The following HELZ variants were observed in gnomAD, a reference collection of about 807,000 sequenced individuals.
HELZ encodes the protein ATP-dependent RNA helicase with zinc finger domain.
Under a neutral mutation model 218.2 loss-of-function variants are expected in HELZ, and 23 were observed. That is an observed-to-expected ratio of 0.11 (90% CI 0.08 to 0.15). HELZ has a LOEUF of 0.15. HELZ is among the 10% of genes least tolerant of loss of function. The pLI is 1.00. For synonymous variants in HELZ, 814 were observed against 829.4 expected, an observed-to-expected ratio of 0.98 and a Z score of 0.32; for missense variants, 1,813 against 2,353.7, an observed-to-expected ratio of 0.77 and a Z score of 4.75.
intron 5 of HELZ, among the ~76,000 whole-genome samples, chr17:67,214,896 A>G (rs753371038): frequency 2.0e-5 from 3 of 152,160 alleles, no homozygotes; most frequent in Admixed American, 1.3e-4. Flanking sequence ...CTGTAATCCC[A>G]GCACTTTGGG....
chr17:67,176,832 A>T (rs1392348971), intron 13 of HELZ, among the ~76,000 whole-genome samples: 1 of 152,098 alleles, frequency 6.6e-6, no homozygotes, highest in African/African-American at 2.4e-5. Context: ...ACAGAGTGAG[A>T]CCCTGTCTCA....
intron 32 of HELZ, among the ~76,000 whole-genome samples, chr17:67,079,438 CATT>C (rs2036118903): frequency 6.6e-6 from 1 of 152,106 alleles, no homozygotes; most frequent in Non-Finnish European, 1.5e-5. Flanking sequence ...TAGAAATTTT[CATT>C]ATCACCAATT....
chr17:67,141,880 C>A (rs2038337804), intron 21 of HELZ, among the ~76,000 whole-genome samples: 1 of 151,950 alleles, frequency 6.6e-6, no homozygotes, highest in African/African-American at 2.4e-5. Context: ...CCTGCCTCTA[C>A]TAAAAATATA....
chr17:67,082,851 T>C (rs1184078109), intron 32 of HELZ, among the ~76,000 whole-genome samples: 2 of 149,798 alleles, frequency 1.3e-5, no homozygotes, highest in Non-Finnish European at 3.0e-5. Flanking sequence ...TTAACTGTTT[T>C]TTTTTTTTGT....
chr17:67,196,551 CAGAT>C (rs201569601), intron 7 of HELZ, among the ~76,000 whole-genome samples: 470 of 149,032 alleles, frequency 3.2e-3, no homozygotes, highest in African/African-American at 0.011. Context: ...GGTGGATAAA[CAGAT>C]AGATGGTTGG....
chr17:67,122,178 G>A (rs1483350488), intron 26 of HELZ, among the ~76,000 whole-genome samples: 4 of 152,126 alleles, frequency 2.6e-5, no homozygotes, highest in Non-Finnish European at 4.4e-5. Context: ...CAAGTCGGGT[G>A]GATCACCTGA....
chr17:67,167,645 T>C lies in HELZ; in HGVS notation c.1582A>G (p.Met528Val), dbSNP rs765954408. The C allele has an allele frequency of 6.2e-7, 1 of 1,614,198 alleles. No homozygotes were observed. The highest frequency in any genetic ancestry group is 8.5e-7 in the Non-Finnish European group (1 of 1,180,034). The change falls in exon 14 of 33, where the codon ATG (methionine) becomes GTG (valine). Residue 528 changes from methionine (M) to valine (V), a missense_variant. By Grantham distance (21) the Met-to-Val change is conservative. Transcript: ENST00000358691. Reference sequence around the variant, plus strand: ...AAATAAACAGCATTGACTTTGGTCATCACCAGTCGTCCAGCCAAAGTATCT... The same window carrying C: ...AAATAAACAGCATTGACTTTGGTCACCACCAGTCGTCCAGCCAAAGTATCT... ...SEDTLAGRLV[M>V]TKVNAVYLLP...
chr17:67,075,337 C>A lies in HELZ; in HGVS notation c.*2915G>T, dbSNP rs1160002544. ...AAAAAGACATTATGTGAACAATTAA[C>A]CTCACTTAGAAAAAAATCTGCTCTG... On this transcript the variant is annotated 3_prime_UTR_variant, in exon 33 of 33. Coordinates refer to ENST00000358691, the MANE Select transcript of HELZ (RefSeq NM_014877.4). 1 of 152,022 alleles carries A rather than the reference C, an allele frequency of 6.6e-6. No homozygotes were observed. Among genetic ancestry groups the A allele is most frequent in the Non-Finnish European group, 1.5e-5 (1 of 67,978 alleles). 9.4% of individuals were successfully genotyped at this position (152,022 alleles called of 1,614,324 possible).
At chr17:67,166,365 C>G in intron 15 of HELZ, 113 bp downstream of exon 15, 1 of 810,080 alleles carries the variant, frequency 1.2e-6, no homozygotes, top group Non-Finnish European at 2.0e-6. Context: ...AAACCAATAT[C>G]TCCTGAAAAG....
chr17:67,189,646 T>A lies in HELZ; in HGVS notation c.807A>T (p.Ser269=), dbSNP rs1195051244. The A allele has an allele frequency of 6.2e-7, 1 of 1,613,820 alleles. No individual in the cohort carries two copies. The highest frequency in any genetic ancestry group is 1.1e-5 in the South Asian group (1 of 91,054). ...GGGATTTTTTGGTGCTGACAGTAAC[T>A]GACAGGTCAGGATTGTGCTCTACCT... is the stretch of plus-strand genomic sequence containing the variant. The part of the protein sequence containing the change: ...GVKVEHNPDL[S]VTVSTKKSHQ... The change falls in exon 11 of 33, where the codon TCA becomes TCT. Residue 269 remains serine, a synonymous_variant. Coordinates refer to ENST00000358691, the MANE Select transcript of HELZ (RefSeq NM_014877.4).
At chr17:67,173,948 T>C (rs930296285) in intron 13 of HELZ, among the ~76,000 whole-genome samples, 3 of 152,202 alleles carry the variant, frequency 2.0e-5, no homozygotes, top group African/African-American at 7.2e-5. Flanking sequence ...ATGGACACAA[T>C]AGCTTCAGCT....
Position 67,109,566 on chromosome 17 carries a change from G to C in HELZ, c.4039C>G (p.Pro1347Ala). ...LNPRHINLPL[P>A]APHAQYAIPN... ...ATTGCATACTGTGCGTGGGGAGCAGGAAGGGGAAGATTTATGTGTCTTGGG... is the reference window on the plus strand; with the variant it reads ...ATTGCATACTGTGCGTGGGGAGCAGCAAGGGGAAGATTTATGTGTCTTGGG... Residue 1347 changes from proline (P) to alanine (A), a missense_variant, in exon 29 of 33, where the codon CCT (proline) becomes GCT (alanine). Coordinates refer to ENST00000358691, the MANE Select transcript of HELZ (RefSeq NM_014877.4). 5.0e-6 allele frequency: 8 copies of C among 1,614,206 alleles called. No homozygotes were observed. Among genetic ancestry groups the C allele is most frequent in the Non-Finnish European group, 6.8e-6 (8 of 1,180,040 alleles).
chr17:67,195,869 T>G (rs200235913), intron 7 of HELZ, among the ~76,000 whole-genome samples: 22,574 of 134,298 alleles, frequency 0.17, 1,580 homozygotes, highest in African/African-American at 0.23. Flanking sequence ...TTTTTTTTTT[T>G]GGGACAAAGT....
At chr17:67,159,502 A>C (rs2038936958) in intron 17 of HELZ, among the ~76,000 whole-genome samples, 1 of 152,218 alleles carries the variant, frequency 6.6e-6, no homozygotes, top group South Asian at 2.1e-4. Context: ...TTAATTTATA[A>C]ACAATTGTAT....
At chr17:67,167,853 T>G in intron 13 of HELZ, 57 bp from the exon 14 acceptor site, 1 of 1,167,232 alleles carries the variant, frequency 8.6e-7, no homozygotes, top group Non-Finnish European at 1.2e-6. Flanking sequence ...ATATAAAAAC[T>G]AGAAGAGTGA....
intron 20 of HELZ, among the ~76,000 whole-genome samples, chr17:67,147,610 T>TG (rs2038541003): frequency 6.6e-6 from 1 of 151,448 alleles, no homozygotes; most frequent in Non-Finnish European, 1.5e-5. Flanking sequence ...CTCAAGTAGC[T>TG]GGGACCACAG....
At chr17:67,242,875 A>G (rs2041363568) in intron 2 of HELZ, among the ~76,000 whole-genome samples, 1 of 151,894 alleles carries the variant, frequency 6.6e-6, no homozygotes, top group Non-Finnish European at 1.5e-5. Context: ...CTTCTTAAAC[A>G]GATGTTGTGA....
intron 3 of HELZ, among the ~76,000 whole-genome samples, chr17:67,221,481 C>T (rs1028644986): frequency 3.9e-5 from 6 of 152,254 alleles, no homozygotes; most frequent in African/African-American, 1.4e-4. Context: ...AAAAAGAAGT[C>T]GTAAGAAAAC....
chr17:67,138,149 T>C (rs1186624445), intron 21 of HELZ, 35 bp from the exon 22 acceptor site: 5 of 1,504,376 alleles, frequency 3.3e-6, no homozygotes, highest in Non-Finnish European at 1.8e-6. Context: ...ATATTAAAGT[T>C]ATCACCAATG....
Sources: allele counts gnomAD v4.1 joint callset (sites outside exome capture counted in the v4.1 genomes callset), GRCh38; gene constraint gnomAD v4.1.1; transcripts MANE v1.5; gene names NCBI Gene and HGNC (gene_info 2026-07-23, HGNC 2026-07-21).